Variants in FAM81A observed in about 807,000 individuals in gnomAD.
FAM81A encodes the protein family with sequence similarity 81 member A.
Under a neutral mutation model 46.7 loss-of-function variants are expected in FAM81A, and 19 were observed. The ratio of observed to expected loss-of-function variants is 0.41; its 90% CI spans 0.28 to 0.60. The LOEUF (loss-of-function observed/expected upper bound fraction) is 0.60. Ranked by LOEUF, FAM81A falls within the 20% of genes least tolerant of loss-of-function variation. The pLI, the probability that FAM81A is intolerant of heterozygous loss-of-function variation, is 0.34. For synonymous variants in FAM81A, 183 were observed against 152.9 expected, an observed-to-expected ratio of 1.20 and a Z score of -1.45; for missense variants, 377 against 453.5, an observed-to-expected ratio of 0.83 and a Z score of 1.53.
chr15:59,473,498 G>A (rs2081724450), intron 3 of FAM81A, among the ~76,000 whole-genome samples: 1 of 152,162 alleles, frequency 6.6e-6, no homozygotes, highest in African/African-American at 2.4e-5. Context: ...AGATAAGAGG[G>A]TGCCAGGGTA....
chr15:59,466,426 C>T (rs10775170), intron 3 of FAM81A, among the ~76,000 whole-genome samples: 120,397 of 152,114 alleles, frequency 0.79, 47,944 homozygotes, highest in African/African-American at 0.88. Context: ...TATCTCTTTG[C>T]GGTTTTGATT....
chr15:59,459,140 A>T (rs140324871), intron 2 of FAM81A, among the ~76,000 whole-genome samples: 1 of 151,954 alleles, frequency 6.6e-6, no homozygotes, highest in Non-Finnish European at 1.5e-5. Context: ...GACTATAGTT[A>T]TGTGCCACCA....
chr15:59,402,713 T>TTG, intron 2 of FAM81A, among the ~76,000 whole-genome samples: 1 of 20,164 alleles, frequency 5.0e-5, no homozygotes, highest in Non-Finnish European at 9.7e-5. Context: ...GATATTTTTT[T>TTG]GGGGGGTGGG....
chr15:59,454,101 A>G (rs1327752643), intron 1 of FAM81A, among the ~76,000 whole-genome samples: 1 of 152,222 alleles, frequency 6.6e-6, no homozygotes, highest in Non-Finnish European at 1.5e-5. Context: ...GTCTTTCCAG[A>G]CAAACCTTCC....
At chr15:59,453,926 G>A (rs930113014) in intron 1 of FAM81A, among the ~76,000 whole-genome samples, 46 of 152,252 alleles carry the variant, frequency 3.0e-4, no homozygotes, top group African/African-American at 1.0e-3. Context: ...AGGGCCTTGG[G>A]CCTGCATGCA....
At chr15:59,441,068 G>A (rs577581267) in intron 1 of FAM81A, among the ~76,000 whole-genome samples, 4 of 151,926 alleles carry the variant, frequency 2.6e-5, no homozygotes, top group South Asian at 2.1e-4. Context: ...TCTTTATTTC[G>A]TCTTTCTCAA....
intron 1 of FAM81A, among the ~76,000 whole-genome samples, chr15:59,454,921 C>T (rs2141625687): frequency 6.6e-6 from 1 of 151,018 alleles, no homozygotes; most frequent in East Asian, 1.9e-4. Context: ...GTGTGTGCCT[C>T]CACACCTGGC....
At chr15:59,430,254 CTTTTTTTTTT>C (rs5812977) in intron 2 of FAM81A, among the ~76,000 whole-genome samples, 18 of 87,470 alleles carry the variant, frequency 2.1e-4, no homozygotes, top group East Asian at 7.2e-4. Context: ...ACCTATTTCC[CTTTTTTTTTT>C]TTTTTTTTTT....
intron 4 of FAM81A, among the ~76,000 whole-genome samples, chr15:59,500,406 C>T (rs182438508): frequency 1.3e-5 from 2 of 152,150 alleles, no homozygotes; most frequent in East Asian, 1.9e-4. Context: ...CAAGCGACCC[C>T]CCAACTTTAG....
At chr15:59,439,889 C>T (rs890751013) in intron 1 of FAM81A, 4 of 152,280 alleles carry the variant, frequency 2.6e-5, no homozygotes, top group Non-Finnish European at 5.9e-5. Context: ...TCACTCCGAC[C>T]TGGCTTTAAA....
chr15:59,438,146 G>T (rs1298793285), upstream of FAM81A: 1 of 146,284 alleles, frequency 6.8e-6, no homozygotes, highest in Non-Finnish European at 1.5e-5. Flanking sequence ...CAGGCGGCAG[G>T]CGCGCGCTGA....
intron 8 of FAM81A, among the ~76,000 whole-genome samples, chr15:59,518,202 C>A (rs940792487): frequency 3.3e-5 from 5 of 151,384 alleles, no homozygotes; most frequent in African/African-American, 1.2e-4. Context: ...AGTCTTGAAC[C>A]CCCAACCTCA....
chr15:59,407,825 C>T (rs982737254), intron 2 of FAM81A: 2 of 252,520 alleles, frequency 7.9e-6, no homozygotes, highest in Non-Finnish European at 1.5e-5. Context: ...TGCTTCTTCT[C>T]TTGCTTTGTC....
intron 1 of FAM81A, among the ~76,000 whole-genome samples, chr15:59,399,019 G>A (rs1271751761): frequency 3.3e-5 from 5 of 151,544 alleles, no homozygotes; most frequent in Non-Finnish European, 7.4e-5. Flanking sequence ...AATACAAAAA[G>A]TTATCCAGAT....
intron 1 of FAM81A, chr15:59,440,015 C>T (rs1459830494): frequency 6.6e-6 from 1 of 152,274 alleles, no homozygotes; most frequent in Non-Finnish European, 1.5e-5. Context: ...GCAGAAGAGC[C>T]TTCTCTAGTG....
intron 1 of FAM81A, among the ~76,000 whole-genome samples, chr15:59,444,869 G>A (rs1440069826): frequency 6.6e-6 from 1 of 152,088 alleles, no homozygotes; most frequent in Non-Finnish European, 1.5e-5. Context: ...TTATGCCTTG[G>A]TGGTCTTTTG....
intron 2 of FAM81A, among the ~76,000 whole-genome samples, chr15:59,428,347 AT>A (rs1245541113): frequency 3.3e-5 from 5 of 151,890 alleles, no homozygotes; most frequent in African/African-American, 1.2e-4. Flanking sequence ...ATCTGCAGTG[AT>A]TGCTCTCCAT....
intron 4 of FAM81A, among the ~76,000 whole-genome samples, chr15:59,500,207 C>G (rs745593242): frequency 6.6e-6 from 1 of 152,024 alleles, no homozygotes; most frequent in Non-Finnish European, 1.5e-5. Context: ...GTTTGTTGAA[C>G]TACTTGTTTG....
At chr15:59,398,845 T>C (rs1369823418) in intron 1 of FAM81A, among the ~76,000 whole-genome samples, 2 of 149,442 alleles carry the variant, frequency 1.3e-5, no homozygotes, top group Non-Finnish European at 3.0e-5. Flanking sequence ...GGGTGTGGTC[T>C]ATGTCTTCCT....
Sources: gnomAD v4.1 joint callset for allele counts (sites outside exome capture counted in the v4.1 genomes callset) on GRCh38, gnomAD v4.1.1 for gene constraint, MANE v1.5 for transcripts, NCBI Gene and HGNC (gene_info 2026-07-23, HGNC 2026-07-21) for gene names.